Variants in TASOR observed in about 807,000 individuals in gnomAD.
TASOR encodes the protein transcription activation suppressor.
Under a neutral mutation model 178.6 loss-of-function variants are expected in TASOR, and 53 were observed. That is an observed-to-expected ratio of 0.30 (90% confidence interval 0.24 to 0.37). The LOEUF is 0.37. Among genes scored for constraint, TASOR ranks in the 10% least tolerant of loss-of-function variants. The probability of loss-of-function intolerance (pLI) is 1.00; values close to 1 mark genes in which losing one functional copy is unlikely to be tolerated. For synonymous variants in TASOR, 713 were observed against 696.2 expected (o/e 1.02, Z -0.38); for missense variants, 1,815 against 1,971.4 (o/e 0.92, Z 1.50).
At chr3:56,649,518 T>C (rs1297372483) in intron 11 of TASOR, among the ~76,000 whole-genome samples, 2 of 152,178 alleles carry the variant, frequency 1.3e-5, no homozygotes, top group Non-Finnish European at 2.9e-5. Context: ...ACATATTACA[T>C]GAACACTTTT....
intron 11 of TASOR, among the ~76,000 whole-genome samples, chr3:56,654,192 G>A (rs929364776): frequency 3.9e-5 from 6 of 152,120 alleles, no homozygotes; most frequent in East Asian, 1.9e-4. Flanking sequence ...CCTTGAACCC[G>A]GGAGGCAGAG....
chr3:56,678,597 A>G (rs979867240), intron 1 of TASOR, among the ~76,000 whole-genome samples: 1 of 152,210 alleles, frequency 6.6e-6, no homozygotes, highest in African/African-American at 2.4e-5. Flanking sequence ...TAGTTTTACC[A>G]ATTTGTTTGG....
In TASOR at chr3:56,646,513, A is replaced by T. The variant is rs1444664283; in HGVS notation, c.2215+9T>A. On this transcript the variant is annotated intron_variant, in intron 14 of 23. Coordinates refer to ENST00000683822, the MANE Select transcript of TASOR (RefSeq NM_001365635.2). ...TTTTGGCTGTTATAAGAGCAATCTG[A>T]TATTTTACCTTCATACAGATGGCAA... is the stretch of plus-strand genomic sequence containing the variant. 4.4e-6 allele frequency: 7 copies of T among 1,581,102 alleles called. No homozygotes were observed. Among genetic ancestry groups the T allele is most frequent in the Non-Finnish European group, 6.0e-6 (7 of 1,167,586 alleles).
chr3:56,668,541 T>G lies in TASOR; in HGVS notation c.753A>C (p.Ile251=). Residue 251 remains isoleucine, a synonymous_variant, in exon 6 of 24, where the codon ATA becomes ATC. Transcript: ENST00000683822. ...FKIMKGKIKS[I]YDPMGVKSLE... ...AACTTTTTACACCCATGGGGTCATATATACTCTTTATTTTACCCTAAAATA... is the reference window on the plus strand; with the variant it reads ...AACTTTTTACACCCATGGGGTCATAGATACTCTTTATTTTACCCTAAAATA... 1 of 1,546,060 alleles carries G rather than the reference T, an allele frequency of 6.5e-7. No individual in the cohort carries two copies. The highest frequency in any genetic ancestry group is 8.7e-7 in the Non-Finnish European group (1 of 1,145,370).
chr3:56,673,152 C>T lies in TASOR; in HGVS notation c.477+428G>A, dbSNP rs191646143. Among the ~76,000 whole-genome samples the T allele has an allele frequency of 7.8e-4, 119 of 152,308 alleles. 1 individual carries two copies. In the East Asian group the frequency reaches 0.02, roughly 26 times the overall value. ...CATTAGCTAGTAAGCTATCTCTACA[C>T]TTAAGATTTTCAGTTAAAAAGTTAT... On this transcript the variant is annotated intron_variant, in intron 2 of 23. Coordinates refer to ENST00000683822, the MANE Select transcript of TASOR (RefSeq NM_001365635.2).
At chr3:56,674,800 C>A (rs563011301) in intron 1 of TASOR, among the ~76,000 whole-genome samples, 1 of 152,304 alleles carries the variant, frequency 6.6e-6, no homozygotes, top group African/African-American at 2.4e-5. Context: ...AAGCTCTAAG[C>A]ATAGCATCTG....
At chr3:56,679,331 T>C (rs1211078214) in intron 1 of TASOR, among the ~76,000 whole-genome samples, 1 of 152,216 alleles carries the variant, frequency 6.6e-6, no homozygotes, top group Non-Finnish European at 1.5e-5. Flanking sequence ...TAGAAATGAA[T>C]ATGCTGGCAG....
chr3:56,647,326 ACATT>A, intron 13 of TASOR, 103 bp from the exon 14 acceptor site: 1 of 909,050 alleles, frequency 1.1e-6, no homozygotes, highest in Non-Finnish European at 1.6e-6. Context: ...AAACATTTAT[ACATT>A]AATGTTGAAC....
At chr3:56,682,486 A>T (rs1679323848) in intron 1 of TASOR, among the ~76,000 whole-genome samples, 190 bp downstream of exon 1, 1 of 151,480 alleles carries the variant, frequency 6.6e-6, no homozygotes, top group Non-Finnish European at 1.5e-5. Flanking sequence ...GCAGCAGGGG[A>T]GCGTGGTTCC....
intron 23 of TASOR, chr3:56,623,876 G>A (rs1475260864): frequency 6.6e-7 from 1 of 1,520,664 alleles, no homozygotes; most frequent in African/African-American, 1.4e-5. Context: ...TATTTGACAA[G>A]ACAAATATAA....
intron 8 of TASOR, among the ~76,000 whole-genome samples, chr3:56,663,200 A>T (rs1004766394): frequency 6.6e-6 from 1 of 152,180 alleles, no homozygotes; most frequent in African/African-American, 2.4e-5. Context: ...AAAAAAACAA[A>T]GAAACTTTAA....
chr3:56,668,546 T>G lies in TASOR; in HGVS notation c.748A>C (p.Ser250Arg). The G allele has an allele frequency of 1.9e-6, 3 of 1,543,710 alleles. No homozygotes were observed. Among genetic ancestry groups the G allele is most frequent in the Non-Finnish European group, 2.6e-6 (3 of 1,144,504 alleles). Residue 250 changes from serine (S) to arginine (R), a missense_variant, in exon 6 of 24, where the codon AGT becomes CGT. Transcript: ENST00000683822. ...IFKIMKGKIK[S>R]IYDPMGVKSL... Reference sequence around the variant, plus strand: ...TTTACACCCATGGGGTCATATATACTCTTTATTTTACCCTAAAATAGAGAA... The same window carrying G: ...TTTACACCCATGGGGTCATATATACGCTTTATTTTACCCTAAAATAGAGAA...
rs368859966 is a variant in TASOR, at chr3:56,621,781, C to T, written c.*1256G>A. 4 of 143,740 alleles carry T rather than the reference C, an allele frequency of 2.8e-5. No homozygotes were observed. The highest frequency in any genetic ancestry group is 1.0e-4 in the African/African-American group (3 of 29,590). The allele number at this position is 143,740 out of a possible 1,614,324, so 8.9% of individuals were successfully genotyped here. On this transcript the variant is annotated 3_prime_UTR_variant, in exon 24 of 24. Transcript: ENST00000683822. ...AGTAAAATGCTGTACTTGTTCTATA[C>T]AATAAAACAGATACTTCTTTTGTAA...
intron 7 of TASOR, among the ~76,000 whole-genome samples, chr3:56,665,648 T>TGC (rs1316556126): frequency 6.6e-6 from 1 of 150,858 alleles, no homozygotes; most frequent in African/African-American, 2.4e-5. Flanking sequence ...CATGAGCCAC[T>TGC]GCGCCTGGCC....
intron 17 of TASOR, among the ~76,000 whole-genome samples, chr3:56,636,035 G>A (rs1291659128): frequency 6.6e-6 from 1 of 152,106 alleles, no homozygotes; most frequent in Non-Finnish European, 1.5e-5. Context: ...CAGGCACAGT[G>A]GCTCATGCCT....
At position 56,662,446 on chromosome 3, in the gene TASOR, C is replaced by T. The variant is rs2077618436; in HGVS notation, c.1099G>A (p.Gly367Arg). Reference sequence around the variant, plus strand: ...AGAGAAATATAACACAAAAGTTTTCCTTTATTTAAAAGCTGTCCTTTCCAC... The same window carrying T: ...AGAGAAATATAACACAAAAGTTTTCTTTTATTTAAAAGCTGTCCTTTCCAC... ...TLWKGQLLNK[G>R]KLLCYISLRS... is the part of the protein sequence containing the mutation. Residue 367 changes from glycine (G) to arginine (R), a missense_variant, in exon 9 of 24, where the codon GGA (glycine) becomes AGA (arginine). Gly to Arg is a moderately radical substitution (Grantham distance 125). This residue lies in a region of TASOR where 504 missense variants were observed against 645.3 expected (regional missense o/e 0.78). Coordinates refer to ENST00000683822, the MANE Select transcript of TASOR (RefSeq NM_001365635.2). 2 of 1,546,992 alleles carry T rather than the reference C, an allele frequency of 1.3e-6. No individual in the cohort carries two copies. Among genetic ancestry groups the T allele is most frequent in the Non-Finnish European group, 1.7e-6 (2 of 1,144,836 alleles).
At position 56,646,617 on chromosome 3, in the gene TASOR, T is replaced by G. The variant is rs1407072272; in HGVS notation, c.2120A>C (p.Lys707Thr). 2 of 1,613,404 alleles carry G rather than the reference T, an allele frequency of 1.2e-6. No homozygotes were observed. Among genetic ancestry groups the G allele is most frequent in the African/African-American group, 2.7e-5 (2 of 74,916 alleles). Residue 707 changes from lysine to threonine, a missense_variant, in exon 14 of 24, where the codon AAA becomes ACA. Physicochemically the swap from Lys to Thr is moderately conservative, Grantham distance 78. Transcript: ENST00000683822. Reference sequence around the variant, plus strand: ...CTCAAGCTTCCTCTTCAAGACAGTTTTGCTTCTCATATCTTCTGTGTCTGA... The same window carrying G: ...CTCAAGCTTCCTCTTCAAGACAGTTGTGCTTCTCATATCTTCTGTGTCTGA... ...GDSDTEDMRSKTVLKRKLEDL... is the reference protein window; with the variant it reads ...GDSDTEDMRSTTVLKRKLEDL...
intron 17 of TASOR, among the ~76,000 whole-genome samples, chr3:56,637,448 G>C (rs1189871346): frequency 6.6e-6 from 1 of 152,108 alleles, no homozygotes; most frequent in African/African-American, 2.4e-5. Context: ...CTTAACCCAG[G>C]AGGCAGAGGT....
chr3:56,671,579 T>C (rs1312565108), intron 3 of TASOR, 21 bp downstream of exon 3: 10 of 1,512,322 alleles, frequency 6.6e-6, no homozygotes, highest in Non-Finnish European at 8.9e-6. Context: ...AAATTGTTTT[T>C]TATAAAATGC....
Sources: allele counts gnomAD v4.1 joint callset (sites outside exome capture counted in the v4.1 genomes callset), GRCh38; gene constraint gnomAD v4.1.1; regional missense constraint gnomAD v4.1.1; transcripts MANE v1.5; gene names NCBI Gene and HGNC (gene_info 2026-07-23, HGNC 2026-07-21).